Variants in MEF2C observed in about 807,000 individuals in gnomAD.
The protein encoded by MEF2C is myocyte enhancer factor 2C.
In MEF2C, 6 loss-of-function variants were observed where a neutral mutation model predicts 50.5. The observed-to-expected ratio is 0.12, with a 90% confidence interval of 0.07 to 0.23. The LOEUF is 0.23. Ranked by LOEUF, MEF2C falls within the 10% of genes least tolerant of loss-of-function variation. MEF2C has a pLI of 1.00. For missense variants in MEF2C, 276 were observed against 605.0 expected, an observed-to-expected ratio of 0.46 and a Z score of 5.70; for synonymous variants, 183 against 228.0, an observed-to-expected ratio of 0.80 and a Z score of 1.78.
At position 88,833,516 on chromosome 5, in the gene MEF2C, C is replaced by T. The variant is rs79701197; in HGVS notation, c.-142-9586G>A. 9.2e-5 allele frequency among the ~76,000 whole-genome samples: 14 copies of T among 152,130 alleles called. No homozygotes were observed. The East Asian group carries it at 2.5e-3, about 27-fold the overall frequency. ...CATTACTCAGCACTGTAGTGACGTG[C>T]GGATGTTTGTAGTGGTTTGAGGAGC... On this transcript the variant is annotated intron_variant, in intron 1 of 10. Transcript: ENST00000504921.
chr5:88,866,307 G>A (rs1224346777), intron 1 of MEF2C, among the ~76,000 whole-genome samples: 5 of 152,170 alleles, frequency 3.3e-5, no homozygotes, highest in African/African-American at 9.7e-5. Context: ...GAAACAAAGC[G>A]GAAGCAAATG....
At chr5:88,879,510 T>A (rs1291330247) in intron 1 of MEF2C, among the ~76,000 whole-genome samples, 1 of 151,976 alleles carries the variant, frequency 6.6e-6, no homozygotes, top group African/African-American at 2.4e-5. Flanking sequence ...ATAATGGATA[T>A]TGACTATTAT....
At chr5:88,830,310 G>T (rs1177740101) in intron 1 of MEF2C, among the ~76,000 whole-genome samples, 2 of 151,942 alleles carry the variant, frequency 1.3e-5, no homozygotes, top group African/African-American at 4.8e-5. Context: ...AAAAAGAGAT[G>T]AAATGTATGT....
chr5:88,806,757 T>A (rs1220194411), intron 2 of MEF2C, among the ~76,000 whole-genome samples: 1 of 152,184 alleles, frequency 6.6e-6, no homozygotes, highest in East Asian at 1.9e-4. Context: ...GCAAAATATA[T>A]TTTGTATATA....
At chr5:88,804,456 A>G in intron 3 of MEF2C, 142 bp downstream of exon 3, 1 of 683,640 alleles carries the variant, frequency 1.5e-6, no homozygotes, top group Non-Finnish European at 2.5e-6. Flanking sequence ...AAGAGTTGCG[A>G]TAGATAATAA....
At chr5:88,844,294 A>G (rs866845828) in intron 1 of MEF2C, among the ~76,000 whole-genome samples, 1 of 152,214 alleles carries the variant, frequency 6.6e-6, no homozygotes, top group African/African-American at 2.4e-5. Flanking sequence ...GTCCAACTCT[A>G]TACTGCAAGT....
chr5:88,825,295 T>C (rs1348734179), intron 1 of MEF2C, among the ~76,000 whole-genome samples: 1 of 151,802 alleles, frequency 6.6e-6, no homozygotes, highest in Non-Finnish European at 1.5e-5. Context: ...TTGGTGATTA[T>C]TTAATTGCAG....
chr5:88,730,626 T>C (rs1043813367), intron 7 of MEF2C, among the ~76,000 whole-genome samples: 2 of 152,200 alleles, frequency 1.3e-5, no homozygotes, highest in Non-Finnish European at 2.9e-5. Flanking sequence ...TTAAGGGACC[T>C]GGAATAAATC....
At chr5:88,771,652 C>T in intron 3 of MEF2C, 1 of 971,002 alleles carries the variant, frequency 1.0e-6, no homozygotes, top group South Asian at 4.8e-5. Context: ...TTATGGTTCA[C>T]TGGATAAATG....
intron 10 of MEF2C, among the ~76,000 whole-genome samples, chr5:88,727,757 C>T (rs557015693): frequency 1.1e-4 from 17 of 151,734 alleles, no homozygotes; most frequent in Non-Finnish European, 1.9e-4. Context: ...TTTCAGTTAA[C>T]GTTTTAAGCT....
intron 1 of MEF2C, among the ~76,000 whole-genome samples, chr5:88,865,920 G>A (rs1296688054): frequency 6.6e-6 from 1 of 150,722 alleles, no homozygotes; most frequent in South Asian, 2.1e-4. Flanking sequence ...TTTTGAGATG[G>A]AGTCTTGGTC....
At chr5:88,868,746 G>A (rs956485559) in intron 1 of MEF2C, among the ~76,000 whole-genome samples, 14 of 151,972 alleles carry the variant, frequency 9.2e-5, no homozygotes, top group Non-Finnish European at 1.8e-4. Flanking sequence ...CAAATATTCC[G>A]AATTACCCAA....
intron 3 of MEF2C, among the ~76,000 whole-genome samples, chr5:88,789,489 T>C (rs1177961310): frequency 6.6e-6 from 1 of 151,934 alleles, no homozygotes; most frequent in African/African-American, 2.4e-5. Context: ...TTTTTTAATG[T>C]GAGGAAAAAA....
At chr5:88,846,027 T>A (rs1819192617) in intron 1 of MEF2C, among the ~76,000 whole-genome samples, 1 of 152,146 alleles carries the variant, frequency 6.6e-6, no homozygotes, top group Non-Finnish European at 1.5e-5. Context: ...TAACATTCAA[T>A]TACATATTTA....
At chr5:88,759,724 A>C (rs1312947906) in intron 4 of MEF2C, among the ~76,000 whole-genome samples, 1 of 152,232 alleles carries the variant, frequency 6.6e-6, no homozygotes, top group Non-Finnish European at 1.5e-5. Context: ...CCTTCATGAT[A>C]CAGTGTATTA....
intron 1 of MEF2C, among the ~76,000 whole-genome samples, chr5:88,855,099 TGAA>T (rs1822819500): frequency 6.6e-6 from 1 of 152,330 alleles, no homozygotes; most frequent in African/African-American, 2.4e-5. Context: ...TGAAGAATCC[TGAA>T]GAAGAGACAC....
At chr5:88,772,599 A>C (rs752235179) in intron 3 of MEF2C, 9 of 366,658 alleles carry the variant, frequency 2.5e-5, no homozygotes, top group Non-Finnish European at 3.4e-5. Context: ...TTTCTTAAAT[A>C]GCAGGCAGAG....
upstream of MEF2C, chr5:88,887,539 C>T (rs935471108): frequency 1.3e-5 from 2 of 152,200 alleles, no homozygotes; most frequent in African/African-American, 4.8e-5. Flanking sequence ...ATTTGCCTTC[C>T]GTTCTTTACT....
intron 3 of MEF2C, among the ~76,000 whole-genome samples, chr5:88,787,470 A>T (rs16903349): frequency 0.03 from 4,622 of 152,298 alleles, 241 homozygotes; most frequent in African/African-American, 0.11. Context: ...AAGCCCAGCA[A>T]GGTTACATAA....
Sources: gnomAD v4.1 joint callset for allele counts (sites outside exome capture counted in the v4.1 genomes callset) on GRCh38, gnomAD v4.1.1 for gene constraint, MANE v1.5 for transcripts, NCBI Gene and HGNC (gene_info 2026-07-23, HGNC 2026-07-21) for gene names.